The following LRRC75A variants were observed in gnomAD, a reference collection of about 807,000 sequenced individuals.
The protein encoded by LRRC75A is leucine rich repeat containing 75A, also known as leucine-rich repeat-containing protein 75A.
LRRC75A carries 12 observed loss-of-function variants against 26.0 expected under a neutral mutation model. The observed-to-expected ratio is 0.46, with a 90% CI of 0.30 to 0.75. The LOEUF (loss-of-function observed/expected upper bound fraction) is 0.75. Among genes scored for constraint, LRRC75A ranks in the 30% least tolerant of loss-of-function variants. The pLI is 0.08. For synonymous variants in LRRC75A, 223 were observed against 219.3 expected (o/e 1.02, Z -0.15); for missense variants, 410 against 486.6 (o/e 0.84, Z 1.48).
intron 1 of LRRC75A, among the ~76,000 whole-genome samples, chr17:16,473,499 AC>A (rs2093812640): frequency 1.3e-5 from 2 of 151,330 alleles, no homozygotes; most frequent in South Asian, 4.2e-4. Flanking sequence ...GGTGCCCGCC[AC>A]CCCCACAGGC....
chr17:16,467,179 G>A (rs1166682495), intron 1 of LRRC75A, among the ~76,000 whole-genome samples: 1 of 152,104 alleles, frequency 6.6e-6, no homozygotes, highest in Non-Finnish European at 1.5e-5. Context: ...TTTGAGACAA[G>A]GTCTTGCTCT....
In LRRC75A at chr17:16,443,999, C is replaced by A; in HGVS notation, c.624G>T (p.Glu208Asp). The part of the protein sequence containing the change: ...QRCGEQVDSV[E>D]LGFTGLTDDM... ...CGTCCGTGAGGCCTGTGAAGCCCAG[C>A]TCCACGCTGTCTACCTGCTCCCCAC... The change falls in exon 4 of 4, where the codon GAG becomes GAT. Residue 208 changes from glutamate to aspartate, a missense_variant. Glu to Asp is a conservative substitution (Grantham distance 45). Transcript: ENST00000470794. 6.2e-7 allele frequency: 1 copy of A among 1,613,908 alleles called. No individual in the cohort carries two copies. The highest frequency in any genetic ancestry group is 8.5e-7 in the Non-Finnish European group (1 of 1,180,018).
In LRRC75A at chr17:16,485,680, G is replaced by T. The variant is rs866000995; in HGVS notation, c.246+6065C>A. Reference sequence around the variant, plus strand: ...TGTGTGTGTGTGTGTTCGTGTGTGTGTGTGTGTGTGTGTATGCGTGGGCGC... The same window carrying T: ...TGTGTGTGTGTGTGTTCGTGTGTGTTTGTGTGTGTGTGTATGCGTGGGCGC... On this transcript the variant is annotated intron_variant, in intron 1 of 3. Transcript: ENST00000470794. 5.8e-5 allele frequency among the ~76,000 whole-genome samples: 8 copies of T among 136,888 alleles called. No individual in the cohort carries two copies. In the East Asian group the frequency reaches 1.2e-3, roughly 21 times the overall value. 89.8% of individuals were successfully genotyped at this position (136,888 alleles called of 152,430 possible).
In LRRC75A at chr17:16,442,658, C is replaced by G. The variant is rs2093541584; in HGVS notation, c.*930G>C. On this transcript the variant is annotated 3_prime_UTR_variant, in exon 4 of 4. Transcript: ENST00000470794. The stretch of plus-strand genomic sequence containing the variant: ...TCCTAGGTTTTTAAGGTTTTAAAGC[C>G]CACCTTCTGCAGTCGGTTTTCTGGA... The G allele has an allele frequency of 6.6e-6, 1 of 152,154 alleles. No individual in the cohort carries two copies. The highest frequency in any genetic ancestry group is 1.5e-5 in the Non-Finnish European group (1 of 68,062). The allele number at this position is 152,154 out of a possible 1,614,324, so 9.4% of individuals were successfully genotyped here. A position where few individuals can be genotyped will look rare whatever the true frequency, so the allele number is the denominator to read the frequency against.
chr17:16,471,318 C>T (rs2093805401), intron 1 of LRRC75A, among the ~76,000 whole-genome samples: 1 of 152,242 alleles, frequency 6.6e-6, no homozygotes, highest in South Asian at 2.1e-4. Flanking sequence ...TCTCAGACTT[C>T]TGGCCTCCAA....
At chr17:16,444,884 T>C (rs1456991509) in intron 3 of LRRC75A, among the ~76,000 whole-genome samples, 1 of 146,636 alleles carries the variant, frequency 6.8e-6, no homozygotes, top group African/African-American at 2.5e-5. Context: ...AGTCTCGCTC[T>C]GTCACCCAGG....
chr17:16,455,657 C>T (rs1392377431), intron 2 of LRRC75A, among the ~76,000 whole-genome samples: 2 of 152,168 alleles, frequency 1.3e-5, no homozygotes, highest in African/African-American at 2.4e-5. Context: ...GCCCTACAAA[C>T]TATAGTCCCA....
Position 16,475,189 on chromosome 17 carries a change from A to G in LRRC75A, c.247-12803T>C, listed in dbSNP as rs2093816870. Among the ~76,000 whole-genome samples, 3 of 152,078 alleles carry G rather than the reference A, an allele frequency of 2.0e-5. No homozygotes were observed. In the South Asian group the frequency reaches 6.2e-4, roughly 31 times the overall value. Reference sequence around the variant, plus strand: ...TGGGGGCTGGAAGGTTGTCTCATACAGTGAGCTAGTGGCAGGGATGGGGCG... The same window carrying G: ...TGGGGGCTGGAAGGTTGTCTCATACGGTGAGCTAGTGGCAGGGATGGGGCG... On this transcript the variant is annotated intron_variant, in intron 1 of 3. Coordinates refer to ENST00000470794, the MANE Select transcript of LRRC75A (RefSeq NM_001113567.3).
intron 1 of LRRC75A, among the ~76,000 whole-genome samples, chr17:16,484,321 C>T (rs1467101520): frequency 3.3e-5 from 5 of 151,882 alleles, no homozygotes; most frequent in South Asian, 2.1e-4. Context: ...GGCGACAGAG[C>T]GAGACTCCGT....
chr17:16,446,100 G>C (rs1188326617), intron 3 of LRRC75A, among the ~76,000 whole-genome samples: 1 of 152,124 alleles, frequency 6.6e-6, no homozygotes, highest in Non-Finnish European at 1.5e-5. Flanking sequence ...GTAGAGACAG[G>C]GTTTCACTAT....
At chr17:16,474,800 T>C (rs2093815697) in intron 1 of LRRC75A, among the ~76,000 whole-genome samples, 1 of 151,868 alleles carries the variant, frequency 6.6e-6, no homozygotes, top group South Asian at 2.1e-4. Flanking sequence ...GAGACCATCC[T>C]GGCTAACATG....
At position 16,443,624 on chromosome 17, in the gene LRRC75A, A is replaced by C; in HGVS notation, c.999T>G (p.His333Gln). The change falls in exon 4 of 4, where the codon CAT becomes CAG. Residue 333 changes from histidine to glutamine, a missense_variant. Coordinates refer to ENST00000470794, the MANE Select transcript of LRRC75A (RefSeq NM_001113567.3). ...CTGCAGCTACAGTCTCCTTGCCCTC[A>C]TGGTGGTCTTCGGCAGGTGCCACAG... ...GGPVAPAEDH[H>Q]EGKETVAAAQ... 6.5e-7 allele frequency: 1 copy of C among 1,546,122 alleles called. No individual in the cohort carries two copies. Among genetic ancestry groups the C allele is most frequent in the Non-Finnish European group, 8.8e-7 (1 of 1,142,606 alleles).
rs1490214496 is a variant in LRRC75A at position 16,492,145 on chromosome 17, G to A, written c.-155C>T. On this transcript the variant is annotated 5_prime_UTR_variant, in exon 1 of 4. Transcript: ENST00000470794. The stretch of plus-strand genomic sequence containing the variant: ...CGTCGCGGGGGCGGGCGGGCGGGCG[G>A]CTGTCGGCGCTCCCCGCGCTCCTCC... 3.9e-6 allele frequency: 2 copies of A among 507,456 alleles called. No individual in the cohort carries two copies. Among genetic ancestry groups the A allele is most frequent in the African/African-American group, 2.1e-5 (1 of 46,562 alleles). 31.4% of individuals were successfully genotyped at this position (507,456 alleles called of 1,614,324 possible). A position where few individuals can be genotyped will look rare whatever the true frequency, so the allele number is the denominator to read the frequency against.
At chr17:16,464,493 A>G (rs999973312) in intron 1 of LRRC75A, among the ~76,000 whole-genome samples, 2 of 152,342 alleles carry the variant, frequency 1.3e-5, no homozygotes, top group Middle Eastern at 3.4e-3. Context: ...CAAGGAGGCA[A>G]GGGGAACAAG....
chr17:16,484,577 G>A (rs1445190910), intron 1 of LRRC75A, among the ~76,000 whole-genome samples: 7 of 151,902 alleles, frequency 4.6e-5, no homozygotes, highest in Non-Finnish European at 7.4e-5. Context: ...CCACCTTCCC[G>A]CTGGCAAAGG....
At chr17:16,485,631 A>AGTGTGTGTGTGTGTGTGTGTGT (rs35125617) in intron 1 of LRRC75A, among the ~76,000 whole-genome samples, 22 of 128,388 alleles carry the variant, frequency 1.7e-4, no homozygotes, top group African/African-American at 2.2e-4. Context: ...CAGGACAAGC[A>AGTGTGTGTGTGTGTGTGTGTGT]GTGTGTGTGT....
At chr17:16,459,440 C>T (rs183301844) in intron 2 of LRRC75A, among the ~76,000 whole-genome samples, 136 of 152,216 alleles carry the variant, frequency 8.9e-4, no homozygotes, top group African/African-American at 3.0e-3. Context: ...GGAGCAGCGA[C>T]GTCCCTAAGA....
chr17:16,482,040 T>A (rs2093835355), intron 1 of LRRC75A, among the ~76,000 whole-genome samples: 1 of 152,108 alleles, frequency 6.6e-6, no homozygotes, highest in Non-Finnish European at 1.5e-5. Flanking sequence ...TTCTGACTGT[T>A]ACGCTTGGTG....
Position 16,462,148 on chromosome 17 carries a change from TCCTCCTTGGGCCTGTCTGCCAG to T in LRRC75A, c.375+88_375+109del. ...TCTTGGTGCCTGGAGGACGGGCTTG[TCCTCCTTGGGCCTGTCTGCCAG>T]TCCTCCTTGGGCATACAGCTGCTCT... On this transcript the variant is annotated intron_variant, in intron 2 of 3. Coordinates refer to ENST00000470794, the MANE Select transcript of LRRC75A (RefSeq NM_001113567.3). This position sits in a 1 kb window ranked among gnomAD's most constrained non-coding sequence, Gnocchi z 4.6. 7.7e-7 allele frequency: 1 copy of T among 1,291,092 alleles called. No homozygotes were observed. Among genetic ancestry groups the T allele is most frequent in the Non-Finnish European group, 1.1e-6 (1 of 943,932 alleles). 80.0% of individuals were successfully genotyped at this position (1,291,092 alleles called of 1,614,324 possible). A position where few individuals can be genotyped will look rare whatever the true frequency, so the allele number is the denominator to read the frequency against.
Sources: gnomAD v4.1 joint callset for allele counts (sites outside exome capture counted in the v4.1 genomes callset) on GRCh38, gnomAD v4.1.1 for gene constraint, Gnocchi (gnomAD v3.1) non-coding constraint, MANE v1.5 for transcripts, NCBI Gene and HGNC (gene_info 2026-07-23, HGNC 2026-07-21) for gene names.